Variants in STEAP1B observed in about 807,000 individuals in gnomAD.
STEAP1B encodes STEAP family member 1B.
Under a neutral mutation model 27.9 loss-of-function variants are expected in STEAP1B, and 13 were observed. That is an observed-to-expected ratio of 0.47 (90% CI 0.30 to 0.74). STEAP1B has a LOEUF of 0.74. Ranked by LOEUF, STEAP1B falls within the 30% of genes least tolerant of loss-of-function variation. The pLI, the probability that STEAP1B is intolerant of heterozygous loss-of-function variation, is 0.06. For synonymous variants in STEAP1B, 86 were observed against 107.1 expected (o/e 0.80, Z 1.22); for missense variants, 250 against 298.7 (o/e 0.84, Z 1.20).
intron 4 of STEAP1B, among the ~76,000 whole-genome samples, chr7:22,478,331 C>A (rs1786009342): frequency 6.6e-6 from 1 of 152,192 alleles, no homozygotes; most frequent in Admixed American, 6.5e-5. Flanking sequence ...GCTAAGAAAA[C>A]AAAGATTCCA....
rs1315842852 is a variant in STEAP1B, at chr7:22,492,612, G to A, written c.715C>T (p.Pro239Ser). 6.2e-7 allele frequency: 1 copy of A among 1,613,134 alleles called. No individual in the cohort carries two copies. Among genetic ancestry groups the A allele is most frequent in the Non-Finnish European group, 8.5e-7 (1 of 1,179,644 alleles). ...CATGTCAAAGAGTCACTCACAGATGGAATAGATGTCACAGCCAACAGAGCC... is the reference window on the plus strand; with the variant it reads ...CATGTCAAAGAGTCACTCACAGATGAAATAGATGTCACAGCCAACAGAGCC... ...ILALLAVTSI[P>S]SVSDSLTWRE... is the part of the protein sequence containing the mutation. Residue 239 changes from proline to serine, a missense_variant, in exon 4 of 5, where the codon CCA becomes TCA. Pro to Ser is a moderately conservative substitution (Grantham distance 74). Transcript: ENST00000678116.
chr7:22,491,377 A>C (rs1786318620), intron 4 of STEAP1B, among the ~76,000 whole-genome samples: 1 of 152,260 alleles, frequency 6.6e-6, no homozygotes, highest in Admixed American at 6.5e-5. Flanking sequence ...GGATGGCTAG[A>C]TAATATGTGT....
intron 4 of STEAP1B, among the ~76,000 whole-genome samples, chr7:22,484,574 T>G (rs1414543753): frequency 6.6e-6 from 1 of 152,200 alleles, no homozygotes; most frequent in African/African-American, 2.4e-5. Flanking sequence ...TTTTGTTTTG[T>G]TTTGTTTTTC....
intron 4 of STEAP1B, among the ~76,000 whole-genome samples, chr7:22,480,687 T>C (rs1786053772): frequency 6.6e-6 from 1 of 152,220 alleles, no homozygotes; most frequent in South Asian, 2.1e-4. Context: ...TTTCCCTCCG[T>C]TTTCCCAGTG....
chr7:22,438,653 A>C (rs1447984071), intron 4 of STEAP1B: 1 of 1,552,004 alleles, frequency 6.4e-7, no homozygotes, highest in East Asian at 2.4e-5. Flanking sequence ...TGGATTCCAC[A>C]CTGCTGCTCC....
At chr7:22,480,454 G>A (rs145490469) in intron 4 of STEAP1B, among the ~76,000 whole-genome samples, 1 of 152,174 alleles carries the variant, frequency 6.6e-6, no homozygotes, top group Non-Finnish European at 1.5e-5. Context: ...GCTCAAGGTG[G>A]GTACTGACAA....
chr7:22,445,126 T>A (rs1177677475), intron 4 of STEAP1B, among the ~76,000 whole-genome samples: 1 of 152,154 alleles, frequency 6.6e-6, no homozygotes, highest in Non-Finnish European at 1.5e-5. Context: ...TTGGGCAGGG[T>A]TGGCATTGGG....
At chr7:22,455,888 C>T (rs1785570501) in intron 4 of STEAP1B, among the ~76,000 whole-genome samples, 1 of 152,232 alleles carries the variant, frequency 6.6e-6, no homozygotes, top group African/African-American at 2.4e-5. Flanking sequence ...TGGCTCACGC[C>T]TGTAATCCCA....
intron 4 of STEAP1B, among the ~76,000 whole-genome samples, chr7:22,483,129 GC>G (rs1786113840): frequency 6.6e-6 from 1 of 152,008 alleles, no homozygotes; most frequent in African/African-American, 2.4e-5. Flanking sequence ...AGAAGTTTTG[GC>G]CCACGTCACC....
intron 4 of STEAP1B, among the ~76,000 whole-genome samples, chr7:22,485,060 G>A (rs559452131): frequency 1.3e-5 from 2 of 152,314 alleles, no homozygotes; most frequent in Non-Finnish European, 1.5e-5. Context: ...TGGAGAAGAC[G>A]CTGTGAAGAT....
chr7:22,492,486 T>C (rs1583355722), intron 4 of STEAP1B, 79 bp downstream of exon 4: 1 of 1,442,160 alleles, frequency 6.9e-7, no homozygotes, highest in Non-Finnish European at 9.1e-7. Context: ...TTATTTTTTA[T>C]GGGGTAAAGC....
At chr7:22,487,262 G>A (rs959130434) in intron 4 of STEAP1B, among the ~76,000 whole-genome samples, 2 of 152,026 alleles carry the variant, frequency 1.3e-5, no homozygotes, top group African/African-American at 2.4e-5. Flanking sequence ...TCGCACCACT[G>A]TACTCCAGCC....
intron 4 of STEAP1B, among the ~76,000 whole-genome samples, chr7:22,448,303 C>G (rs1203961417): frequency 6.6e-6 from 1 of 151,952 alleles, no homozygotes; most frequent in African/African-American, 2.4e-5. Context: ...ATATAGATAC[C>G]AATTATATTT....
intron 4 of STEAP1B, among the ~76,000 whole-genome samples, chr7:22,437,024 T>A (rs979835526): frequency 1.3e-5 from 2 of 152,212 alleles, no homozygotes; most frequent in African/African-American, 2.4e-5. Flanking sequence ...ATTAAACAGC[T>A]TCTGCACAGC....
chr7:22,440,828 A>C (rs1442509138), intron 4 of STEAP1B, among the ~76,000 whole-genome samples: 2 of 151,980 alleles, frequency 1.3e-5, no homozygotes, highest in Admixed American at 6.5e-5. Flanking sequence ...TTACAGGTAG[A>C]TATGACTAAG....
intron 4 of STEAP1B, among the ~76,000 whole-genome samples, chr7:22,452,339 T>A (rs534694851): frequency 1.3e-5 from 2 of 152,096 alleles, no homozygotes; most frequent in Non-Finnish European, 2.9e-5. Context: ...CTCATATTTG[T>A]GTGAGAAACG....
At chr7:22,482,856 A>G (rs1786107117) in intron 4 of STEAP1B, among the ~76,000 whole-genome samples, 1 of 152,208 alleles carries the variant, frequency 6.6e-6, no homozygotes, top group African/African-American at 2.4e-5. Flanking sequence ...GCCTTTCATA[A>G]GTCAACAGCA....
At chr7:22,497,077 T>C (rs1333456233) in intron 1 of STEAP1B, among the ~76,000 whole-genome samples, 1 of 152,208 alleles carries the variant, frequency 6.6e-6, no homozygotes, top group Non-Finnish European at 1.5e-5. Flanking sequence ...TTTTGGGAGA[T>C]TGTGCAAAAT....
At chr7:22,447,387 G>A (rs771553843) in intron 4 of STEAP1B, among the ~76,000 whole-genome samples, 24 of 152,198 alleles carry the variant, frequency 1.6e-4, no homozygotes, top group Non-Finnish European at 2.5e-4. Context: ...TTGGTTGGAA[G>A]ATCAGTCAAT....
Sources: gnomAD v4.1 joint callset for allele counts (sites outside exome capture counted in the v4.1 genomes callset) on GRCh38, gnomAD v4.1.1 for gene constraint, MANE v1.5 for transcripts, NCBI Gene and HGNC (gene_info 2026-07-23, HGNC 2026-07-21) for gene names.